The following LRMDA variants were observed in gnomAD, a reference collection of about 807,000 sequenced individuals.
LRMDA encodes leucine rich melanocyte differentiation associated, also known as leucine-rich melanocyte differentiation-associated protein.
LRMDA carries 18 observed loss-of-function variants against 29.8 expected under a neutral mutation model. The observed-to-expected ratio is 0.60, with a 90% confidence interval of 0.42 to 0.90. The LOEUF is 0.90. Among genes scored for constraint, LRMDA ranks in the 40% least tolerant of loss-of-function variants. LRMDA has a pLI of 0.00. For missense variants in LRMDA, 273 were observed against 273.9 expected (o/e 1.00, Z 0.02); for synonymous variants, 125 against 109.4 (o/e 1.14, Z -0.89).
intron 2 of LRMDA, among the ~76,000 whole-genome samples, chr10:75,939,016 C>A (rs1488467431): frequency 1.3e-5 from 2 of 152,180 alleles, no homozygotes; most frequent in East Asian, 3.9e-4. Flanking sequence ...GAAACCAGCG[C>A]TCGGCATGAA....
intron 2 of LRMDA, among the ~76,000 whole-genome samples, chr10:75,528,630 A>G (rs1421010909): frequency 6.6e-6 from 1 of 152,190 alleles, no homozygotes; most frequent in African/African-American, 2.4e-5. Context: ...CCAGATGACA[A>G]GCCCTTTCCA....
chr10:75,694,199 G>A (rs1842205061), intron 2 of LRMDA, among the ~76,000 whole-genome samples: 1 of 152,218 alleles, frequency 6.6e-6, no homozygotes, highest in Admixed American at 6.5e-5. Flanking sequence ...CAGTGAACAT[G>A]GAGAGAAGTT....
intron 1 of LRMDA, among the ~76,000 whole-genome samples, chr10:75,436,062 A>G (rs1271893691): frequency 7.1e-6 from 1 of 140,444 alleles, no homozygotes; most frequent in African/African-American, 2.4e-5. Flanking sequence ...TCTTTAAAAA[A>G]AAAAAAAAAA....
At chr10:76,199,517 T>A (rs981075252) in intron 5 of LRMDA, among the ~76,000 whole-genome samples, 1 of 152,180 alleles carries the variant, frequency 6.6e-6, no homozygotes, top group African/African-American at 2.4e-5. Context: ...TTTACTTGTA[T>A]CCTTGACACC....
At chr10:75,871,296 T>C (rs1845105021) in intron 2 of LRMDA, among the ~76,000 whole-genome samples, 2 of 152,200 alleles carry the variant, frequency 1.3e-5, no homozygotes, top group Admixed American at 1.3e-4. Context: ...TGCAAGAGTC[T>C]GTCTTCTTTC....
At chr10:76,201,359 C>T (rs1315194231) in intron 5 of LRMDA, among the ~76,000 whole-genome samples, 1 of 152,168 alleles carries the variant, frequency 6.6e-6, no homozygotes, top group African/African-American at 2.4e-5. Flanking sequence ...TCCCAAAGTG[C>T]AGGGATTACA....
intron 2 of LRMDA, among the ~76,000 whole-genome samples, chr10:75,696,404 G>A (rs559339063): frequency 3.9e-4 from 60 of 152,336 alleles, no homozygotes; most frequent in Non-Finnish European, 6.9e-4. Context: ...GCCACAGCTC[G>A]TGGGCAGAAC....
At chr10:76,484,097 C>CA (rs1385640984) in intron 6 of LRMDA, among the ~76,000 whole-genome samples, 1 of 151,666 alleles carries the variant, frequency 6.6e-6, no homozygotes, top group African/African-American at 2.4e-5. Context: ...CCCTCATCCC[C>CA]ATTCCCTTTC....
chr10:76,119,296 A>G (rs1198145330), intron 5 of LRMDA, among the ~76,000 whole-genome samples: 1 of 151,852 alleles, frequency 6.6e-6, no homozygotes, highest in African/African-American at 2.4e-5. Context: ...GGCTCCTCAC[A>G]CTTAAATGGC....
chr10:76,159,147 T>C (rs1464983685), intron 5 of LRMDA, among the ~76,000 whole-genome samples: 1 of 152,222 alleles, frequency 6.6e-6, no homozygotes, highest in African/African-American at 2.4e-5. Context: ...AAAATATACC[T>C]TAAAGTGATT....
At chr10:76,124,721 T>G (rs963705139) in intron 5 of LRMDA, among the ~76,000 whole-genome samples, 3 of 152,238 alleles carry the variant, frequency 2.0e-5, no homozygotes, top group Non-Finnish European at 4.4e-5. Flanking sequence ...GTAGTCTGAA[T>G]TCTTTTCAGA....
chr10:76,082,908 T>A (rs1359395900), intron 5 of LRMDA, among the ~76,000 whole-genome samples: 1 of 152,134 alleles, frequency 6.6e-6, no homozygotes, highest in Non-Finnish European at 1.5e-5. Context: ...TTATTTGTAG[T>A]GGTAGAAAGT....
rs183863586 is a variant in LRMDA, at chr10:75,917,083, G to A, written c.132-118925G>A. ...CATAAACCTAGCAACAGTTTGCTGT[G>A]TAGAGGCAGTGGCAGGGCCCACCAT... On this transcript the variant is annotated intron_variant, in intron 2 of 6. Transcript: ENST00000611255. Among the ~76,000 whole-genome samples, 11 of 152,328 alleles carry A rather than the reference G, an allele frequency of 7.2e-5. No individual in the cohort carries two copies. In the East Asian group the frequency reaches 2.1e-3, roughly 29 times the overall value.
intron 2 of LRMDA, among the ~76,000 whole-genome samples, chr10:75,660,857 T>A (rs1841743386): frequency 6.6e-6 from 1 of 152,218 alleles, no homozygotes; most frequent in South Asian, 2.1e-4. Context: ...TCTTGTTTAC[T>A]GCCCAGAGTG....
chr10:76,059,351 T>C (rs1392999842), intron 5 of LRMDA, among the ~76,000 whole-genome samples: 1 of 152,214 alleles, frequency 6.6e-6, no homozygotes, highest in Non-Finnish European at 1.5e-5. Context: ...ACCTTTCCTT[T>C]ACCAGCTGAG....
At chr10:75,809,870 G>A (rs906352284) in intron 2 of LRMDA, among the ~76,000 whole-genome samples, 4 of 152,150 alleles carry the variant, frequency 2.6e-5, no homozygotes, top group African/African-American at 9.7e-5. Context: ...AGAGTCCAAT[G>A]CTAAATGAAA....
intron 4 of LRMDA, among the ~76,000 whole-genome samples, chr10:76,055,269 G>A (rs886138976): frequency 6.6e-6 from 1 of 151,950 alleles, no homozygotes; most frequent in African/African-American, 2.4e-5. Flanking sequence ...AAATTTCCAG[G>A]ACACCAGGCA....
chr10:75,968,951 T>A (rs1312250051), intron 2 of LRMDA, among the ~76,000 whole-genome samples: 2 of 152,136 alleles, frequency 1.3e-5, no homozygotes, highest in African/African-American at 4.8e-5. Flanking sequence ...TGATTGCTTT[T>A]AGCCCTCAGC....
chr10:76,295,782 C>T (rs1341966699), intron 5 of LRMDA, among the ~76,000 whole-genome samples: 8 of 152,128 alleles, frequency 5.3e-5, no homozygotes, highest in African/African-American at 1.9e-4. Context: ...CTCCCTTGAC[C>T]CTTCATTTTC....
Sources: gnomAD v4.1 joint callset for allele counts (sites outside exome capture counted in the v4.1 genomes callset) on GRCh38, gnomAD v4.1.1 for gene constraint, MANE v1.5 for transcripts, NCBI Gene and HGNC (gene_info 2026-07-23, HGNC 2026-07-21) for gene names.